ATOSA: variants seen among roughly 807,000 people sequenced by gnomAD.
The protein encoded by ATOSA is atos homolog protein A.
chr15:52,613,923 G>GCT, the ATOSA span: 1 of 1,305,146 alleles, frequency 7.7e-7, no homozygotes, highest in Non-Finnish European at 1.1e-6. Flanking sequence ...CATCTGGTCT[G>GCT]CCTAAAATAA....
At chr15:52,683,576 C>T in the ATOSA span, among the ~76,000 whole-genome samples, 269 of 152,312 alleles carry the variant, frequency 1.8e-3, 1 homozygote, top group African/African-American at 6.3e-3. Context: ...GCTGAAATTT[C>T]TTCAGCACTT....
At chr15:52,700,552 T>C in the ATOSA span, among the ~76,000 whole-genome samples, 2 of 152,236 alleles carry the variant, frequency 1.3e-5, no homozygotes, top group African/African-American at 2.4e-5. Context: ...AAAAAAAGCC[T>C]TATTGTGACG....
At chr15:52,620,996 T>A in the ATOSA span, among the ~76,000 whole-genome samples, 1 of 152,210 alleles carries the variant, frequency 6.6e-6, no homozygotes, top group Non-Finnish European at 1.5e-5. Flanking sequence ...AATCGAGTAT[T>A]GTGAATAAAA....
the ATOSA span, chr15:52,611,694 T>C: frequency 6.2e-7 from 1 of 1,614,008 alleles, no homozygotes; most frequent in Non-Finnish European, 8.5e-7. Flanking sequence ...AGCAGTCTGG[T>C]AGTAGCATCA....
the ATOSA span, among the ~76,000 whole-genome samples, chr15:52,675,769 G>A: frequency 6.6e-6 from 1 of 152,152 alleles, no homozygotes; most frequent in Non-Finnish European, 1.5e-5. Context: ...TTAGCCGGGC[G>A]TGGAGGCGGG....
At chr15:52,592,371 C>G in the ATOSA span, among the ~76,000 whole-genome samples, 1 of 152,174 alleles carries the variant, frequency 6.6e-6, no homozygotes, top group African/African-American at 2.4e-5. Flanking sequence ...CCATCACTGT[C>G]AACTTTTTAC....
At chr15:52,627,528 C>T in the ATOSA span, among the ~76,000 whole-genome samples, 1 of 152,042 alleles carries the variant, frequency 6.6e-6, no homozygotes, top group African/African-American at 2.4e-5. Context: ...TTGAAAGGCA[C>T]TAGCACTTGT....
the ATOSA span, among the ~76,000 whole-genome samples, chr15:52,628,003 T>C: frequency 6.6e-6 from 1 of 152,118 alleles, no homozygotes. Flanking sequence ...TAATCGCTAA[T>C]TCTCGATTGT....
the ATOSA span, chr15:52,586,694 A>G: frequency 6.3e-6 from 1 of 159,004 alleles, no homozygotes; most frequent in Non-Finnish European, 1.4e-5. Context: ...CTGCCCTGAC[A>G]TCTGTCAGAC....
At chr15:52,653,249 C>A in the ATOSA span, among the ~76,000 whole-genome samples, 1 of 152,070 alleles carries the variant, frequency 6.6e-6, no homozygotes, top group Non-Finnish European at 1.5e-5. Flanking sequence ...TAAAGTGCCC[C>A]ATGAGCACTA....
chr15:52,617,725 C>T, the ATOSA span, among the ~76,000 whole-genome samples: 1 of 149,066 alleles, frequency 6.7e-6, no homozygotes, highest in African/African-American at 2.4e-5. Flanking sequence ...ATTATATAGT[C>T]TCTACTTTTG....
At chr15:52,645,862 A>G in the ATOSA span, among the ~76,000 whole-genome samples, 1 of 152,342 alleles carries the variant, frequency 6.6e-6, no homozygotes, top group Admixed American at 6.5e-5. Context: ...TAACAAAAGG[A>G]AACAAACTCC....
the ATOSA span, among the ~76,000 whole-genome samples, chr15:52,700,392 G>A: frequency 6.6e-6 from 1 of 152,080 alleles, no homozygotes; most frequent in East Asian, 1.9e-4. Context: ...TGGCTTCAGG[G>A]GGGTCTCTGC....
the ATOSA span, among the ~76,000 whole-genome samples, chr15:52,616,077 T>C: frequency 5.9e-5 from 9 of 152,330 alleles, no homozygotes; most frequent in African/African-American, 2.2e-4. Flanking sequence ...TCATACACTT[T>C]AAACATTCTC....
chr15:52,608,184 C>A, the ATOSA span, among the ~76,000 whole-genome samples: 1 of 152,106 alleles, frequency 6.6e-6, no homozygotes, highest in Non-Finnish European at 1.5e-5. Context: ...AGCCATTGTG[C>A]CTGGCCTGGG....
chr15:52,614,789 G>A, the ATOSA span, among the ~76,000 whole-genome samples: 3 of 151,798 alleles, frequency 2.0e-5, no homozygotes, highest in African/African-American at 2.4e-5. Flanking sequence ...TGGAGGTTGC[G>A]GTGAGCCAAG....
At chr15:52,617,783 T>C in the ATOSA span, among the ~76,000 whole-genome samples, 1 of 30,856 alleles carries the variant, frequency 3.2e-5, no homozygotes, top group African/African-American at 9.9e-5. Flanking sequence ...ATTTATTATA[T>C]ACAAATAATT....
chr15:52,685,414 G>T, the ATOSA span, among the ~76,000 whole-genome samples: 341 of 17,014 alleles, frequency 0.02, 1 homozygote, highest in African/African-American at 0.042. Flanking sequence ...AGATTCAGTA[G>T]AGTTTTTTTT....
chr15:52,674,655 T>C, the ATOSA span, among the ~76,000 whole-genome samples: 21 of 152,288 alleles, frequency 1.4e-4, no homozygotes, highest in Non-Finnish European at 2.8e-4. Context: ...TAACTATATA[T>C]TAAAAAATTA....
Sources: allele counts gnomAD v4.1 joint callset (sites outside exome capture counted in the v4.1 genomes callset), GRCh38; gene constraint gnomAD v4.1.1; transcripts MANE v1.5; gene names NCBI Gene and HGNC (gene_info 2026-07-23, HGNC 2026-07-21).